Variants in LRRC4C observed in about 807,000 individuals in gnomAD.
LRRC4C encodes the protein leucine-rich repeat-containing protein 4C.
A neutral mutation model predicts 33.6 loss-of-function variants in LRRC4C; 5 were observed. The ratio of observed to expected loss-of-function variants is 0.15; its 90% CI spans 0.08 to 0.31. The LOEUF is 0.31. LRRC4C is among the 10% of genes least tolerant of loss of function. The pLI, the probability that LRRC4C is intolerant of heterozygous loss-of-function variation, is 1.00. For missense variants in LRRC4C, 560 were observed against 796.7 expected, an observed-to-expected ratio of 0.70 and a Z score of 3.58; for synonymous variants, 329 against 302.0, an observed-to-expected ratio of 1.09 and a Z score of -0.93.
chr11:40,321,189 T>G (rs1205819732), intron 3 of LRRC4C, among the ~76,000 whole-genome samples: 1 of 152,188 alleles, frequency 6.6e-6, no homozygotes. Context: ...TATGATGATT[T>G]TTTTCCCCTC....
intron 3 of LRRC4C, among the ~76,000 whole-genome samples, chr11:40,546,385 A>G (rs1956925434): frequency 6.6e-6 from 1 of 152,024 alleles, no homozygotes; most frequent in Non-Finnish European, 1.5e-5. Flanking sequence ...TATCTGTATT[A>G]CTGTGGTCAA....
intron 5 of LRRC4C, among the ~76,000 whole-genome samples, chr11:40,171,863 C>T (rs1590609440): frequency 6.6e-6 from 1 of 152,174 alleles, no homozygotes; most frequent in East Asian, 1.9e-4. Flanking sequence ...GTCTGTTTCC[C>T]CACATGATCA....
intron 6 of LRRC4C, among the ~76,000 whole-genome samples, chr11:40,128,708 C>G (rs998534075): frequency 1.3e-5 from 2 of 152,066 alleles, no homozygotes; most frequent in African/African-American, 4.8e-5. Context: ...ATTGGCCTTT[C>G]GTGGTTTCTC....
chr11:40,578,113 C>A (rs1958281966), intron 3 of LRRC4C, among the ~76,000 whole-genome samples: 1 of 113,238 alleles, frequency 8.8e-6, no homozygotes, highest in African/African-American at 3.5e-5. Context: ...GGATTACAGG[C>A]GTGATATTAT....
intron 1 of LRRC4C, among the ~76,000 whole-genome samples, chr11:41,406,079 A>G (rs956478024): frequency 6.9e-6 from 1 of 143,900 alleles, no homozygotes; most frequent in African/African-American, 2.5e-5. Flanking sequence ...TATAGAGGGG[A>G]GTAAAAAGGA....
At chr11:40,447,231 A>T (rs1000892072) in intron 3 of LRRC4C, 1 of 153,830 alleles carries the variant, frequency 6.5e-6, no homozygotes, top group Non-Finnish European at 1.5e-5. Context: ...TGAGATCAAC[A>T]TATGTGTTGG....
chr11:40,757,894 C>T (rs1460664953), intron 2 of LRRC4C, among the ~76,000 whole-genome samples: 1 of 151,948 alleles, frequency 6.6e-6, no homozygotes, highest in African/African-American at 2.4e-5. Flanking sequence ...GTGTTGGTTG[C>T]CTGAAAGATA....
At chr11:40,599,568 T>C (rs1310795685) in intron 3 of LRRC4C, among the ~76,000 whole-genome samples, 1 of 152,162 alleles carries the variant, frequency 6.6e-6, no homozygotes, top group African/African-American at 2.4e-5. Context: ...CTTATATTAT[T>C]TATTTACTTG....
intron 1 of LRRC4C, among the ~76,000 whole-genome samples, chr11:41,398,068 G>A (rs760625491): frequency 6.6e-6 from 1 of 151,870 alleles, no homozygotes; most frequent in East Asian, 1.9e-4. Flanking sequence ...GACACTTGGA[G>A]CTGAATTATT....
At chr11:40,493,338 C>A (rs1327980250) in intron 3 of LRRC4C, among the ~76,000 whole-genome samples, 1 of 152,020 alleles carries the variant, frequency 6.6e-6, no homozygotes, top group Non-Finnish European at 1.5e-5. Context: ...CCTGTGTAAT[C>A]TACAGATATG....
intron 3 of LRRC4C, among the ~76,000 whole-genome samples, chr11:40,339,002 G>A (rs774533650): frequency 6.6e-6 from 1 of 152,156 alleles, no homozygotes; most frequent in Non-Finnish European, 1.5e-5. Flanking sequence ...GTTTCAAGAT[G>A]AGTAACCAGT....
At chr11:41,031,484 C>T (rs987891886) in intron 1 of LRRC4C, among the ~76,000 whole-genome samples, 3 of 151,998 alleles carry the variant, frequency 2.0e-5, no homozygotes, top group East Asian at 1.9e-4. Context: ...TTATAATTTA[C>T]GCATGATGAA....
At chr11:40,890,032 C>T (rs4612793) in intron 2 of LRRC4C, among the ~76,000 whole-genome samples, 145,048 of 152,186 alleles carry the variant, frequency 0.95, 69,504 homozygotes, top group East Asian at 1. Flanking sequence ...CCAGAAACAC[C>T]TTTTAATCTG....
intron 1 of LRRC4C, among the ~76,000 whole-genome samples, chr11:41,420,191 C>G (rs1449169353): frequency 6.6e-6 from 1 of 151,936 alleles, no homozygotes; most frequent in African/African-American, 2.4e-5. Context: ...AAGTGCACCA[C>G]AGGAACCCTC....
At chr11:41,190,760 C>A (rs1450757355) in intron 1 of LRRC4C, among the ~76,000 whole-genome samples, 1 of 152,160 alleles carries the variant, frequency 6.6e-6, no homozygotes, top group African/African-American at 2.4e-5. Context: ...AGTTTATTTT[C>A]AAACATGCTG....
intron 1 of LRRC4C, among the ~76,000 whole-genome samples, chr11:41,297,824 G>C (rs964879253): frequency 6.6e-6 from 1 of 152,152 alleles, no homozygotes; most frequent in Non-Finnish European, 1.5e-5. Flanking sequence ...AGATCAGGAA[G>C]CATATTTATC....
At chr11:41,363,235 C>T (rs922661641) in intron 1 of LRRC4C, among the ~76,000 whole-genome samples, 1 of 152,148 alleles carries the variant, frequency 6.6e-6, no homozygotes, top group Non-Finnish European at 1.5e-5. Flanking sequence ...GTTTACCCTG[C>T]CCACCAAGCT....
chr11:40,530,209 A>T (rs555695483), intron 3 of LRRC4C, among the ~76,000 whole-genome samples: 1 of 152,214 alleles, frequency 6.6e-6, no homozygotes, highest in East Asian at 1.9e-4. Flanking sequence ...GAACTCTAAA[A>T]TTATGATTTT....
intron 1 of LRRC4C, among the ~76,000 whole-genome samples, chr11:41,023,822 T>C (rs1856150477): frequency 6.6e-6 from 1 of 151,770 alleles, no homozygotes; most frequent in African/African-American, 2.4e-5. Flanking sequence ...GACAAGGGAT[T>C]GATGGCCTGA....
Sources: gnomAD v4.1 joint callset for allele counts (sites outside exome capture counted in the v4.1 genomes callset) on GRCh38, gnomAD v4.1.1 for gene constraint, MANE v1.5 for transcripts, NCBI Gene and HGNC (gene_info 2026-07-23, HGNC 2026-07-21) for gene names.